YEATS2: variants seen among roughly 807,000 people sequenced by gnomAD.
The protein encoded by YEATS2 is YEATS domain containing 2, also known as YEATS domain-containing protein 2.
YEATS2 carries 77 observed loss-of-function variants against 163.2 expected under a neutral mutation model. The observed-to-expected ratio is 0.47, with a 90% confidence interval of 0.39 to 0.57. YEATS2 has a LOEUF of 0.57. Among genes scored for constraint, YEATS2 ranks in the 20% least tolerant of loss-of-function variants. YEATS2 has a pLI of 0.00. For synonymous variants in YEATS2, 631 were observed against 645.1 expected, an observed-to-expected ratio of 0.98 and a Z score of 0.33; for missense variants, 1,549 against 1,729.8, an observed-to-expected ratio of 0.90 and a Z score of 1.85.
intron 1 of YEATS2, among the ~76,000 whole-genome samples, chr3:183,709,985 TA>T (rs146304230): frequency 0.017 from 2,567 of 152,226 alleles, 75 homozygotes; most frequent in East Asian, 0.14. Flanking sequence ...TGACCCGAGA[TA>T]AAAAGTTTAA....
chr3:183,718,451 C>G (rs370544647), intron 3 of YEATS2, 49 bp from the exon 4 acceptor site: 7 of 1,441,974 alleles, frequency 4.9e-6, no homozygotes, highest in Non-Finnish European at 6.7e-6. Flanking sequence ...TTGTACATCT[C>G]TTTTATAATT....
At chr3:183,778,995 C>A (rs1430842072) in intron 19 of YEATS2, among the ~76,000 whole-genome samples, 3 of 151,980 alleles carry the variant, frequency 2.0e-5, no homozygotes, top group Non-Finnish European at 2.9e-5. Flanking sequence ...ATCTGTTGCC[C>A]AGGCTCCTGG....
intron 9 of YEATS2, among the ~76,000 whole-genome samples, chr3:183,750,938 A>G (rs1027292909): frequency 2.0e-5 from 3 of 152,200 alleles, no homozygotes; most frequent in African/African-American, 4.8e-5. Context: ...TTTGATGCAC[A>G]GAAGTTTTTA....
chr3:183,767,403 T>C (rs923997467), intron 15 of YEATS2, among the ~76,000 whole-genome samples: 5 of 149,538 alleles, frequency 3.3e-5, no homozygotes, highest in African/African-American at 9.9e-5. Context: ...TTTTTTGAGC[T>C]GGAGTCTTGC....
chr3:183,755,998 G>T (rs1173506032), intron 11 of YEATS2, among the ~76,000 whole-genome samples: 1 of 151,766 alleles, frequency 6.6e-6, no homozygotes, highest in East Asian at 1.9e-4. Context: ...CGCCTGCCTC[G>T]GCCTCCCAAA....
intron 30 of YEATS2, 193 bp from the exon 31 acceptor site, chr3:183,810,281 TG>T (rs1726665863): frequency 1.9e-6 from 1 of 531,180 alleles, no homozygotes; most frequent in Admixed American, 3.4e-5. Flanking sequence ...TCAACCAACT[TG>T]TTGACATCCT....
chr3:183,770,698 C>T (rs765936389), intron 15 of YEATS2, among the ~76,000 whole-genome samples: 1 of 152,196 alleles, frequency 6.6e-6, no homozygotes, highest in Non-Finnish European at 1.5e-5. Flanking sequence ...TACATGAATA[C>T]ATAGTCATAG....
intron 14 of YEATS2, 107 bp downstream of exon 14, chr3:183,761,721 C>T (rs1721372170): frequency 2.0e-6 from 2 of 1,020,236 alleles, no homozygotes; most frequent in Non-Finnish European, 1.5e-6. Context: ...TGGGTCTCAA[C>T]TCCTCATTCT....
chr3:183,747,758 T>C (rs1477110212), intron 9 of YEATS2, 42 bp downstream of exon 9: 1 of 1,574,846 alleles, frequency 6.3e-7, no homozygotes, highest in Admixed American at 1.7e-5. Flanking sequence ...ATGAGTAGGA[T>C]GAAAATTGAT....
At chr3:183,776,973 A>G (rs1039800021) in intron 18 of YEATS2, among the ~76,000 whole-genome samples, 1 of 151,990 alleles carries the variant, frequency 6.6e-6, no homozygotes, top group African/African-American at 2.4e-5. Flanking sequence ...AAAAAGGAAA[A>G]GAATTTGGGT....
intron 1 of YEATS2, among the ~76,000 whole-genome samples, chr3:183,699,389 CAAG>C (rs573473566): frequency 2.5e-4 from 38 of 151,564 alleles, no homozygotes; most frequent in East Asian, 9.8e-4. Context: ...GGCTGGAACT[CAAG>C]GAGGAGAGAG....
At chr3:183,809,202 G>C in intron 30 of YEATS2, 32 bp downstream of exon 30, 2 of 1,594,246 alleles carry the variant, frequency 1.3e-6, no homozygotes, top group Non-Finnish European at 1.7e-6. Flanking sequence ...GTGGTGTGAG[G>C]CTTACACCTC....
chr3:183,718,741 C>T (rs1231069971), intron 4 of YEATS2, 149 bp downstream of exon 4: 3 of 668,224 alleles, frequency 4.5e-6, no homozygotes, highest in Admixed American at 3.2e-5. Context: ...CTGTGTCACC[C>T]AGGCTGGAGT....
Position 183,803,252 on chromosome 3 carries a change from C to T in YEATS2, c.3503-4C>T. The stretch of plus-strand genomic sequence containing the variant: ...TCAGGCTTTGCTGGGTGTGTGCATT[C>T]TAGGTGAAGATGCCAGCTGCTTTTC... On this transcript the variant is annotated splice_region_variant and splice_polypyrimidine_tract_variant and intron_variant, in intron 25 of 30. Coordinates refer to ENST00000305135, the MANE Select transcript of YEATS2 (RefSeq NM_018023.5). 1 of 1,611,398 alleles carries T rather than the reference C, an allele frequency of 6.2e-7. No individual in the cohort carries two copies. Among genetic ancestry groups the T allele is most frequent in the Non-Finnish European group, 8.5e-7 (1 of 1,179,754 alleles).
Position 183,775,907 on chromosome 3 carries a change from A to G in YEATS2, c.2369-8A>G. ...TTATGATGTTGCTGTCATTCATTGTATTTTTAGATCTCCAGTCTGGCTCAG... is the reference window on the plus strand; with the variant it reads ...TTATGATGTTGCTGTCATTCATTGTGTTTTTAGATCTCCAGTCTGGCTCAG... On this transcript the variant is annotated splice_polypyrimidine_tract_variant and splice_region_variant and intron_variant, in intron 17 of 30. Coordinates refer to ENST00000305135, the MANE Select transcript of YEATS2 (RefSeq NM_018023.5). 1 of 1,611,752 alleles carries G rather than the reference A, an allele frequency of 6.2e-7. No individual in the cohort carries two copies. Among genetic ancestry groups the G allele is most frequent in the Non-Finnish European group, 8.5e-7 (1 of 1,179,924 alleles).
intron 21 of YEATS2, among the ~76,000 whole-genome samples, chr3:183,796,627 C>A (rs1725179525): frequency 6.7e-6 from 1 of 150,304 alleles, no homozygotes. Flanking sequence ...TTAAAATGGA[C>A]CCTGAATGCT....
In YEATS2 at chr3:183,807,896, A is replaced by T. The variant is rs2290571; in HGVS notation, c.4012-134A>T. On this transcript the variant is annotated intron_variant, in intron 28 of 30. Transcript: ENST00000305135. Reference sequence around the variant, plus strand: ...TATATTCCGTGTTCCTTTCCCGTGAATTTTGCCCAATATGTTTGCAGAGTC... The same window carrying T: ...TATATTCCGTGTTCCTTTCCCGTGATTTTTGCCCAATATGTTTGCAGAGTC... 0.012 allele frequency: 7,599 copies of T among 621,418 alleles called. 367 individuals are homozygous for T. The East Asian group carries it at 0.13, about 11-fold the overall frequency. The allele number at this position is 621,418 out of a possible 1,614,324, so 38.5% of individuals were successfully genotyped here. A position where few individuals can be genotyped will look rare whatever the true frequency, so the allele number is the denominator to read the frequency against.
At chr3:183,749,234 C>T (rs931529905) in intron 9 of YEATS2, among the ~76,000 whole-genome samples, 5 of 152,292 alleles carry the variant, frequency 3.3e-5, no homozygotes, top group South Asian at 2.1e-4. Flanking sequence ...TGAGCCATGG[C>T]GCCCGGCCGG....
intron 15 of YEATS2, 105 bp from the exon 16 acceptor site, chr3:183,772,200 G>T: frequency 6.7e-7 from 1 of 1,497,382 alleles, no homozygotes; most frequent in East Asian, 2.3e-5. Flanking sequence ...ACTGAATTAG[G>T]CTGCATGTAT....
Sources: gnomAD v4.1 joint callset for allele counts (sites outside exome capture counted in the v4.1 genomes callset) on GRCh38, gnomAD v4.1.1 for gene constraint, MANE v1.5 for transcripts, NCBI Gene and HGNC (gene_info 2026-07-23, HGNC 2026-07-21) for gene names.